The following WBP4 variants were observed in gnomAD, a reference collection of about 807,000 sequenced individuals.
The protein encoded by WBP4 is WW domain-binding protein 4.
In WBP4, 37 loss-of-function variants were observed where a neutral mutation model predicts 55.4. The ratio of observed to expected loss-of-function variants is 0.67; its 90% CI spans 0.51 to 0.88. The LOEUF (loss-of-function observed/expected upper bound fraction) is 0.88, where lower values mean the gene tolerates loss of function less well. WBP4 is among the 40% of genes least tolerant of loss of function. WBP4 has a pLI of 0.00. For missense variants in WBP4, 398 were observed against 420.8 expected (o/e 0.95, Z 0.47); for synonymous variants, 142 against 140.2 (o/e 1.01, Z -0.09).
rs532111850 is a variant in WBP4, at chr13:41,078,805, C to T, written c.757-1841C>T. On this transcript the variant is annotated intron_variant, in intron 8 of 9. Transcript: ENST00000379487. ...TCGTGCCGTTGCATTCCAGCCTGGG[C>T]GACAAGAGTGAAACTCTGTCTCAAA... 1.1e-4 allele frequency among the ~76,000 whole-genome samples: 17 copies of T among 149,726 alleles called. No homozygotes were observed. In the South Asian group the frequency reaches 2.5e-3, roughly 22 times the overall value.
intron 5 of WBP4, among the ~76,000 whole-genome samples, chr13:41,069,654 G>A (rs548983341): frequency 2.6e-4 from 39 of 147,182 alleles, no homozygotes; most frequent in Middle Eastern, 3.6e-3. Flanking sequence ...TGCGGTGAGC[G>A]TAGATTGGGC....
At chr13:41,072,486 C>T (rs1356504759) in intron 6 of WBP4, among the ~76,000 whole-genome samples, 2 of 152,148 alleles carry the variant, frequency 1.3e-5, no homozygotes, top group Non-Finnish European at 2.9e-5. Flanking sequence ...AAGGGAGGTG[C>T]CACACACTTT....
At chr13:41,066,887 C>T (rs942303700) in intron 4 of WBP4, among the ~76,000 whole-genome samples, 15 of 152,148 alleles carry the variant, frequency 9.9e-5, no homozygotes, top group Non-Finnish European at 1.8e-4. Context: ...ACCACATTGT[C>T]TCCAGAAATG....
chr13:41,075,901 CTCTGTTA>C, intron 7 of WBP4, 136 bp from the exon 8 acceptor site: 1 of 909,102 alleles, frequency 1.1e-6, no homozygotes. Context: ...GGTTTGAGAA[CTCTGTTA>C]TCTTCTTGAT....
intron 8 of WBP4, among the ~76,000 whole-genome samples, chr13:41,077,526 C>A (rs1436673019): frequency 6.6e-6 from 1 of 152,074 alleles, no homozygotes; most frequent in Non-Finnish European, 1.5e-5. Context: ...GAGAAACACA[C>A]AGCCAACGTT....
chr13:41,076,269 A>ATTTTT lies in WBP4; in HGVS notation c.756+56_756+60dup, dbSNP rs35695477. 2.4e-4 allele frequency: 163 copies of ATTTTT among 678,654 alleles called. No individual in the cohort carries two copies. The East Asian group carries it at 2.4e-3, about 10-fold the overall frequency. The allele number at this position is 678,654 out of a possible 1,614,324, so 42.0% of individuals were successfully genotyped here. On this transcript the variant is annotated intron_variant, in intron 8 of 9. Coordinates refer to ENST00000379487, the MANE Select transcript of WBP4 (RefSeq NM_007187.5). ...TTTTAAATTTTACTCTTCACATCAA[A>ATTTTT]TTTTTTTTTTTTTTTTTTTTTTTTT... is the stretch of plus-strand genomic sequence containing the variant.
At chr13:41,062,621 G>C in intron 1 of WBP4, 23 bp from the exon 2 acceptor site, 1 of 1,610,246 alleles carries the variant, frequency 6.2e-7, no homozygotes, top group Non-Finnish European at 8.5e-7. Flanking sequence ...CATGAGCTTA[G>C]CCTTGTTGTC....
rs1877659127 is a variant in WBP4 at position 41,061,808 on chromosome 13, A to T, written c.2+133A>T. 3.1e-5 allele frequency: 45 copies of T among 1,456,250 alleles called. 2 individuals are homozygous for T. The South Asian group carries it at 5.5e-4, about 18-fold the overall frequency. The allele number at this position is 1,456,250 out of a possible 1,614,324, so 90.2% of individuals were successfully genotyped here. On this transcript the variant is annotated intron_variant, in intron 1 of 9. Coordinates refer to ENST00000379487, the MANE Select transcript of WBP4 (RefSeq NM_007187.5). ...CAGACGCGTTCTTAACTCGCTCGGG[A>T]CCGGCCCCAGACCTGCAGGGCCGGT... is the stretch of plus-strand genomic sequence containing the variant.
At chr13:41,072,053 A>G (rs1030178065) in intron 6 of WBP4, among the ~76,000 whole-genome samples, 4 of 151,760 alleles carry the variant, frequency 2.6e-5, no homozygotes, top group Non-Finnish European at 5.9e-5. Context: ...CTCAAAAAAA[A>G]AAAAAAAAAA....
chr13:41,070,479 A>G (rs762535058), intron 5 of WBP4, among the ~76,000 whole-genome samples: 2 of 152,004 alleles, frequency 1.3e-5, no homozygotes, highest in Non-Finnish European at 2.9e-5. Flanking sequence ...GATTGGAGCC[A>G]TCTTATGGAG....
At chr13:41,080,086 A>C (rs947672260) in intron 8 of WBP4, among the ~76,000 whole-genome samples, 1 of 152,154 alleles carries the variant, frequency 6.6e-6, no homozygotes, top group African/African-American at 2.4e-5. Flanking sequence ...GAGGGAGGTG[A>C]GTTGAACATG....
rs147089903 is a variant in WBP4, at chr13:41,072,668, G to A, written c.487-114G>A. The A allele has an allele frequency of 4.2e-3, 3,427 of 812,208 alleles. 90 individuals are homozygous for A. The highest frequency in any genetic ancestry group is 0.037 in the East Asian group (1,377 of 37,694). 50.3% of individuals were successfully genotyped at this position (812,208 alleles called of 1,614,324 possible). On this transcript the variant is annotated intron_variant, in intron 6 of 9. Coordinates refer to ENST00000379487, the MANE Select transcript of WBP4 (RefSeq NM_007187.5). The stretch of plus-strand genomic sequence containing the variant: ...TGAGATTTGGGTGGGGATGCAGATC[G>A]AGATGATATCACCAGGTGTCAGGAG...
chr13:41,062,995 A>G (rs1877769061), intron 2 of WBP4, among the ~76,000 whole-genome samples: 1 of 152,204 alleles, frequency 6.6e-6, no homozygotes, highest in Non-Finnish European at 1.5e-5. Context: ...CACCTATATT[A>G]TAATGGTGGT....
intron 1 of WBP4, 38 bp downstream of exon 1, chr13:41,061,713 T>C (rs768213495): frequency 6.2e-7 from 1 of 1,613,562 alleles, no homozygotes. Context: ...CGAGGTGTTG[T>C]TTCTCTGGGC....
intron 8 of WBP4, among the ~76,000 whole-genome samples, chr13:41,077,196 C>A (rs962119186): frequency 5.3e-5 from 8 of 152,176 alleles, no homozygotes; most frequent in African/African-American, 1.9e-4. Context: ...TGATTCACCA[C>A]ATAAACAATT....
chr13:41,062,591 T>G, intron 1 of WBP4, 53 bp from the exon 2 acceptor site: 2 of 1,536,904 alleles, frequency 1.3e-6, no homozygotes, highest in South Asian at 1.2e-5. Flanking sequence ...CATGCAGAAT[T>G]TAACCTTTTT....
rs1306076625 is a variant in WBP4, at chr13:41,061,762, G to T, written c.2+87G>T. 5 of 1,593,782 alleles carry T rather than the reference G, an allele frequency of 3.1e-6. No homozygotes were observed. In the Admixed American group the frequency reaches 7.1e-5, roughly 22 times the overall value. ...CCGGGTCTTCCCCTCCTCTCCTCCC[G>T]CCCTTCGGCCGGGGGCGTGACAGAC... On this transcript the variant is annotated intron_variant, in intron 1 of 9. Transcript: ENST00000379487.
chr13:41,070,586 A>T (rs9532718), intron 5 of WBP4, among the ~76,000 whole-genome samples: 1 of 151,512 alleles, frequency 6.6e-6, no homozygotes, highest in Non-Finnish European at 1.5e-5. Flanking sequence ...GTTGAATATG[A>T]GGTACCTACA....
At chr13:41,066,938 A>T (rs1370643844) in intron 4 of WBP4, among the ~76,000 whole-genome samples, 1 of 152,240 alleles carries the variant, frequency 6.6e-6, no homozygotes, top group Admixed American at 6.5e-5. Flanking sequence ...TAAGTTTATT[A>T]ACCCGTTTTA....
Sources: allele counts gnomAD v4.1 joint callset (sites outside exome capture counted in the v4.1 genomes callset), GRCh38; gene constraint gnomAD v4.1.1; transcripts MANE v1.5; gene names NCBI Gene and HGNC (gene_info 2026-07-23, HGNC 2026-07-21).